INTS13: variants seen among roughly 807,000 people sequenced by gnomAD.
INTS13 encodes integrator complex subunit 13.
Under a neutral mutation model 90.2 loss-of-function variants are expected in INTS13, and 35 were observed. The observed-to-expected ratio is 0.39, with a 90% CI of 0.30 to 0.51. The LOEUF (loss-of-function observed/expected upper bound fraction) is 0.51. Ranked by LOEUF, INTS13 falls within the 20% of genes least tolerant of loss-of-function variation. INTS13 has a pLI of 0.80. For missense variants in INTS13, 601 were observed against 851.2 expected, an observed-to-expected ratio of 0.71 and a Z score of 3.66; for synonymous variants, 309 against 277.1, an observed-to-expected ratio of 1.11 and a Z score of -1.14.
chr12:26,925,703 C>T (rs1199108450), intron 6 of INTS13, 58 bp downstream of exon 6: 18 of 1,327,882 alleles, frequency 1.4e-5, no homozygotes, highest in Non-Finnish European at 1.8e-5. Flanking sequence ...GATAACCCTT[C>T]TCAGTATTTA....
chr12:26,922,629 A>C lies in INTS13; in HGVS notation c.876T>G (p.Asp292Glu). ...AATGTCTCTTACCACTTTTCAGGAA[A>C]TCTACATGTGCATCTTTGTGATGAA... is the stretch of plus-strand genomic sequence containing the variant. ...ELLHHKDAHV[D>E]FLKSGDSHLG... is the part of the protein sequence containing the mutation. Residue 292 changes from aspartate to glutamate, a missense_variant, in exon 8 of 17, where the codon GAT becomes GAG. This residue lies in a region of INTS13 where 284 missense variants were observed against 387.7 expected (regional missense o/e 0.73). Transcript: ENST00000261191. The C allele has an allele frequency of 6.3e-7, 1 of 1,581,058 alleles. No homozygotes were observed. Among genetic ancestry groups the C allele is most frequent in the Non-Finnish European group, 8.6e-7 (1 of 1,163,108 alleles).
intron 11 of INTS13, among the ~76,000 whole-genome samples, chr12:26,914,820 C>T (rs1951883363): frequency 6.6e-6 from 1 of 152,160 alleles, no homozygotes; most frequent in Admixed American, 6.5e-5. Context: ...GTTTTCCCCA[C>T]CTTTTGTAAA....
At chr12:26,926,376 A>G (rs2044092787) in intron 5 of INTS13, among the ~76,000 whole-genome samples, 1 of 152,194 alleles carries the variant, frequency 6.6e-6, no homozygotes, top group Non-Finnish European at 1.5e-5. Flanking sequence ...ACTGTTAGCT[A>G]TATTTGCTTT....
chr12:26,911,646 A>C (rs1337548079), intron 14 of INTS13, among the ~76,000 whole-genome samples: 1 of 152,248 alleles, frequency 6.6e-6, no homozygotes, highest in Non-Finnish European at 1.5e-5. Flanking sequence ...ATTTTTAAAG[A>C]TAGGAACAAA....
Position 26,905,201 on chromosome 12 carries a change from AAT to A in INTS13, c.*294_*295del, listed in dbSNP as rs964725692. The A allele has an allele frequency of 3.9e-6, 1 of 258,068 alleles. No individual in the cohort carries two copies. The highest frequency in any genetic ancestry group is 7.2e-6 in the Non-Finnish European group (1 of 138,656). The allele number at this position is 258,068 out of a possible 1,614,324, so 16.0% of individuals were successfully genotyped here. A position where few individuals can be genotyped will look rare whatever the true frequency, so the allele number is the denominator to read the frequency against. On this transcript the variant is annotated 3_prime_UTR_variant, in exon 17 of 17. Coordinates refer to ENST00000261191, the MANE Select transcript of INTS13 (RefSeq NM_018164.3). Reference sequence around the variant, plus strand: ...CAATGTTTTGCATTTCAAATATTTTAATAGTTTTATTTCGCAAAGAGAAGCCT... The same window carrying A: ...CAATGTTTTGCATTTCAAATATTTTAAGTTTTATTTCGCAAAGAGAAGCCT...
rs1172261581 is a variant in INTS13 at position 26,934,605 on chromosome 12, C to G, written c.251G>C (p.Gly84Ala). 6.2e-7 allele frequency: 1 copy of G among 1,613,294 alleles called. No homozygotes were observed. Among genetic ancestry groups the G allele is most frequent in the African/African-American group, 1.3e-5 (1 of 74,890 alleles). The change falls in exon 3 of 17, where the codon GGA becomes GCA. Residue 84 changes from glycine (G) to alanine (A), a missense_variant. Transcript: ENST00000261191. ...KLVNFIVSDS[G>A]AHVLNSWTQE... ...AGTCCAAGAATTTAAAACATGTGCT[C>G]CAGAGTCACTCACAATAAAATTCAC...
intron 7 of INTS13, among the ~76,000 whole-genome samples, chr12:26,922,943 TTAACAAAGATGAC>T (rs1308539872): frequency 2.6e-5 from 4 of 152,118 alleles, no homozygotes; most frequent in Non-Finnish European, 5.9e-5. Context: ...TATGTCAGAA[TTAACAAAGATGAC>T]TAACTCAGAA....
Position 26,934,544 on chromosome 12 carries a change from A to G in INTS13, c.300+12T>C, listed in dbSNP as rs1938362683. Reference sequence around the variant, plus strand: ...AATTTACAAATGGCCACAGCTCAAAATCTAACCATACCTCCTGTAAATTTT... The same window carrying G: ...AATTTACAAATGGCCACAGCTCAAAGTCTAACCATACCTCCTGTAAATTTT... On this transcript the variant is annotated intron_variant, in intron 3 of 16. Transcript: ENST00000261191. 1 of 1,592,092 alleles carries G rather than the reference A, an allele frequency of 6.3e-7. No homozygotes were observed. Among genetic ancestry groups the G allele is most frequent in the Middle Eastern group, 1.7e-4 (1 of 6,014 alleles).
chr12:26,912,465 T>A (rs1042454491), intron 14 of INTS13, among the ~76,000 whole-genome samples: 16 of 152,038 alleles, frequency 1.1e-4, no homozygotes, highest in East Asian at 1.9e-4. Context: ...TAATTAATTT[T>A]AAAAAAAGTG....
chr12:26,919,104 C>T (rs151175995), intron 8 of INTS13: 50 of 323,168 alleles, frequency 1.5e-4, no homozygotes, highest in African/African-American at 7.0e-4. Flanking sequence ...GGGGTCGATG[C>T]TGCAGTGAGC....
chr12:26,937,237 C>T (rs556589556), intron 1 of INTS13, among the ~76,000 whole-genome samples: 16 of 152,292 alleles, frequency 1.1e-4, no homozygotes, highest in South Asian at 6.2e-4. Flanking sequence ...TTTTGCACTT[C>T]CCTCCAAGAA....
chr12:26,917,638 A>G lies in INTS13; in HGVS notation c.979+6T>C. On this transcript the variant is annotated splice_donor_region_variant and intron_variant, in intron 9 of 16. Transcript: ENST00000261191. ...TCGTCTTTTTCAGTTATTCTTAAAT[A>G]CCTACCAATGTTATTTGTCCTTGGT... 6.2e-7 allele frequency: 1 copy of G among 1,602,864 alleles called. No individual in the cohort carries two copies. The highest frequency in any genetic ancestry group is 8.5e-7 in the Non-Finnish European group (1 of 1,169,904).
chr12:26,917,374 G>A lies in INTS13; in HGVS notation c.1047C>T (p.Cys349=). ...TACCATTTAGAAGAAAATTAGTAAG[G>A]CAGGAGGAAGGTCTACTATTTACAT... ...PVDVNSRPSS[C]LTNFLLNGRS... is the part of the protein sequence containing the mutation. Residue 349 remains cysteine (C), a synonymous_variant, in exon 10 of 17, where the codon TGC becomes TGT. Coordinates refer to ENST00000261191, the MANE Select transcript of INTS13 (RefSeq NM_018164.3). 4 of 1,516,552 alleles carry A rather than the reference G, an allele frequency of 2.6e-6. No individual in the cohort carries two copies. The highest frequency in any genetic ancestry group is 1.4e-5 in the African/African-American group (1 of 72,318). The allele number at this position is 1,516,552 out of a possible 1,614,324, so 93.9% of individuals were successfully genotyped here.
chr12:26,911,268 T>C lies in INTS13; in HGVS notation c.1855A>G (p.Ile619Val), dbSNP rs920259102. 6.2e-7 allele frequency: 1 copy of C among 1,613,760 alleles called. No individual in the cohort carries two copies. The highest frequency in any genetic ancestry group is 8.5e-7 in the Non-Finnish European group (1 of 1,179,848). ...GGGGAATCAGGCGAATCTTTTATAATCTCAGCTTCAGCCAATTCTTCTTTT... is the reference window on the plus strand; with the variant it reads ...GGGGAATCAGGCGAATCTTTTATAACCTCAGCTTCAGCCAATTCTTCTTTT... The part of the protein sequence containing the change: ...RGKEELAEAE[I>V]IKDSPDSPEP... Residue 619 changes from isoleucine to valine, a missense_variant, in exon 15 of 17, where the codon ATT becomes GTT. By Grantham distance (29) the Ile-to-Val change is conservative. Around this residue, in one of 3 missense-constraint regions of INTS13, gnomAD observed 228 missense variants for 272.5 expected, o/e 0.84. Transcript: ENST00000261191.
At chr12:26,923,356 T>C (rs1225848466) in intron 7 of INTS13, among the ~76,000 whole-genome samples, 1 of 152,138 alleles carries the variant, frequency 6.6e-6, no homozygotes, top group Non-Finnish European at 1.5e-5. Flanking sequence ...ATCCAAAAGG[T>C]TCTACAGGGT....
chr12:26,934,495 T>TA (rs1436157099), intron 3 of INTS13, 61 bp downstream of exon 3: 3 of 1,222,576 alleles, frequency 2.5e-6, no homozygotes, highest in Non-Finnish European at 3.6e-6. Flanking sequence ...GTCATTTTTT[T>TA]AAAAAGTATT....
upstream of INTS13, chr12:26,938,103 A>G (rs1938585141): frequency 6.6e-6 from 1 of 152,602 alleles, no homozygotes; most frequent in African/African-American, 2.4e-5. Flanking sequence ...GTCGCCGAAC[A>G]GGAAGAGGGC....
chr12:26,930,265 C>A (rs1938118732), intron 3 of INTS13, among the ~76,000 whole-genome samples: 1 of 152,100 alleles, frequency 6.6e-6, no homozygotes, highest in Non-Finnish European at 1.5e-5. Context: ...ACATAATCCC[C>A]AACTTCTTTG....
intron 6 of INTS13, 95 bp from the exon 7 acceptor site, chr12:26,924,578 A>C (rs1937764576): frequency 7.5e-7 from 1 of 1,331,696 alleles, no homozygotes; most frequent in Non-Finnish European, 1.0e-6. Context: ...AAAATTAAGT[A>C]TTTTTAACTT....
Sources: allele counts gnomAD v4.1 joint callset (sites outside exome capture counted in the v4.1 genomes callset), GRCh38; gene constraint gnomAD v4.1.1; regional missense constraint gnomAD v4.1.1; transcripts MANE v1.5; gene names NCBI Gene and HGNC (gene_info 2026-07-23, HGNC 2026-07-21).